The following LOC128462377 variants were observed in gnomAD, a reference collection of about 807,000 sequenced individuals.
At chr16:89,357,691 C>T in the LOC128462377 span, among the ~76,000 whole-genome samples, 1 of 152,176 alleles carries the variant, frequency 6.6e-6, no homozygotes, top group African/African-American at 2.4e-5. Context: ...ACGAGGAATG[C>T]CTGTCACAGC....
At chr16:89,418,251 C>T in the LOC128462377 span, 6 of 451,332 alleles carry the variant, frequency 1.3e-5, no homozygotes, top group South Asian at 7.8e-5. Context: ...ATGACAAAAA[C>T]ATAAATTGAT....
the LOC128462377 span, among the ~76,000 whole-genome samples, chr16:89,348,887 A>C: frequency 1.3e-5 from 2 of 151,158 alleles, no homozygotes; most frequent in Non-Finnish European, 2.9e-5. Flanking sequence ...AAAAAAAAAA[A>C]AACACCCAGC....
the LOC128462377 span, among the ~76,000 whole-genome samples, chr16:89,346,854 C>T: frequency 0.012 from 1,783 of 152,182 alleles, 52 homozygotes; most frequent in Admixed American, 0.055. Context: ...CAAACATAAA[C>T]GAAACAAAAA....
At chr16:89,417,590 C>G in the LOC128462377 span, among the ~76,000 whole-genome samples, 21 of 152,192 alleles carry the variant, frequency 1.4e-4, no homozygotes, top group African/African-American at 5.1e-4. Flanking sequence ...GGCTCCCACT[C>G]CTTACCTGCC....
chr16:89,335,526 A>C, the LOC128462377 span, among the ~76,000 whole-genome samples: 2 of 151,772 alleles, frequency 1.3e-5, no homozygotes, highest in African/African-American at 4.8e-5. Context: ...ACGCTATACC[A>C]CTCCCATGAA....
At chr16:89,333,286 T>C in the LOC128462377 span, among the ~76,000 whole-genome samples, 2 of 152,226 alleles carry the variant, frequency 1.3e-5, no homozygotes, top group African/African-American at 4.8e-5. Context: ...GAGCATGAAG[T>C]ACAGAGGGTT....
At chr16:89,334,881 C>T in the LOC128462377 span, among the ~76,000 whole-genome samples, 13 of 152,086 alleles carry the variant, frequency 8.5e-5, no homozygotes, top group African/African-American at 2.7e-4. Flanking sequence ...GAGCCAGACA[C>T]GAGTGTGTCT....
At chr16:89,338,259 C>A in the LOC128462377 span, among the ~76,000 whole-genome samples, 1 of 152,104 alleles carries the variant, frequency 6.6e-6, no homozygotes, top group Non-Finnish European at 1.5e-5. Context: ...GCCATGAGCG[C>A]CACACTGTGT....
chr16:89,317,477 G>A, the LOC128462377 span, among the ~76,000 whole-genome samples: 1 of 152,158 alleles, frequency 6.6e-6, no homozygotes, highest in African/African-American at 2.4e-5. Flanking sequence ...GTCACAACAC[G>A]CAGCGCAGTA....
the LOC128462377 span, among the ~76,000 whole-genome samples, chr16:89,366,257 G>A: frequency 6.6e-6 from 1 of 151,690 alleles, no homozygotes; most frequent in South Asian, 2.1e-4. Flanking sequence ...TGGATTCCAT[G>A]TCTTCTTCTG....
the LOC128462377 span, among the ~76,000 whole-genome samples, chr16:89,381,354 A>AAAAAAAAAAAAGGG: frequency 8.0e-6 from 1 of 125,336 alleles, no homozygotes; most frequent in African/African-American, 3.3e-5. Flanking sequence ...AAAAAAAAAA[A>AAAAAAAAAAAAGGG]GGGGTGAGAA....
At chr16:89,404,101 C>T in the LOC128462377 span, among the ~76,000 whole-genome samples, 29 of 152,172 alleles carry the variant, frequency 1.9e-4, no homozygotes, top group African/African-American at 5.1e-4. Flanking sequence ...GCTGCTAGCC[C>T]GGCACATGAT....
chr16:89,372,578 C>G, the LOC128462377 span, among the ~76,000 whole-genome samples: 1 of 152,042 alleles, frequency 6.6e-6, no homozygotes, highest in Non-Finnish European at 1.5e-5. Context: ...TACTAAAATA[C>G]TAACATTAAG....
At chr16:89,360,054 C>T in the LOC128462377 span, among the ~76,000 whole-genome samples, 93 of 152,224 alleles carry the variant, frequency 6.1e-4, no homozygotes, top group African/African-American at 2.2e-3. Context: ...TCTCCCTCCT[C>T]CCGCCCTCTC....
the LOC128462377 span, among the ~76,000 whole-genome samples, chr16:89,335,246 C>T: frequency 6.6e-6 from 1 of 152,126 alleles, no homozygotes; most frequent in African/African-American, 2.4e-5. Context: ...CGGGTGACAG[C>T]CTCACACCAC....
chr16:89,403,029 A>T, the LOC128462377 span, among the ~76,000 whole-genome samples: 2 of 152,194 alleles, frequency 1.3e-5, no homozygotes, highest in Non-Finnish European at 2.9e-5. Flanking sequence ...ACCAGGCTCC[A>T]CATGGGCACT....
chr16:89,379,916 C>T, the LOC128462377 span, among the ~76,000 whole-genome samples: 1 of 152,096 alleles, frequency 6.6e-6, no homozygotes, highest in Non-Finnish European at 1.5e-5. Flanking sequence ...AGACACTGAC[C>T]TTTTCAGTTT....
At chr16:89,381,005 C>T in the LOC128462377 span, among the ~76,000 whole-genome samples, 21 of 152,094 alleles carry the variant, frequency 1.4e-4, no homozygotes, top group Non-Finnish European at 1.5e-5. Flanking sequence ...CCTGAGCACA[C>T]GGTAAACAAT....
the LOC128462377 span, among the ~76,000 whole-genome samples, chr16:89,403,255 C>T: frequency 6.6e-6 from 1 of 152,316 alleles, no homozygotes; most frequent in African/African-American, 2.4e-5. Context: ...ATCTGATGCG[C>T]ACTCACTCAC....
Sources: gnomAD v4.1 joint callset for allele counts (sites outside exome capture counted in the v4.1 genomes callset) on GRCh38, gnomAD v4.1.1 for gene constraint, MANE v1.5 for transcripts.